CLTRN: variants seen among roughly 807,000 people sequenced by gnomAD.
CLTRN encodes the protein collectrin, amino acid transport regulator, also known as collectrin.
In CLTRN, 12 loss-of-function variants were observed where a neutral mutation model predicts 14.5. The ratio of observed to expected loss-of-function variants is 0.83; its 90% CI spans 0.53 to 1.34. CLTRN has a LOEUF of 1.34. Among genes scored for constraint, CLTRN ranks in the 40% most tolerant of loss-of-function variants. The probability of loss-of-function intolerance (pLI) is 0.00; values close to 1 mark genes in which losing one functional copy is unlikely to be tolerated. For synonymous variants in CLTRN, 58 were observed against 56.5 expected, an observed-to-expected ratio of 1.03 and a Z score of -0.12; for missense variants, 154 against 165.1, an observed-to-expected ratio of 0.93 and a Z score of 0.37.
intron 5 of CLTRN, among the ~76,000 whole-genome samples, chrX:15,632,911 G>A (rs1928735891): frequency 9.6e-6 from 1 of 104,261 alleles, no homozygotes. Context: ...AAAAAATAGA[G>A]CTAAAGAGCC....
upstream of CLTRN, among the ~76,000 whole-genome samples, chrX:15,669,400 A>G (rs186901246): frequency 6.5e-4 from 73 of 112,411 alleles, 1 homozygote; most frequent in African/African-American, 2.1e-3. Context: ...CATTCTGAAT[A>G]TGTTACTATT....
At chrX:15,643,759 A>G (rs1928995237) in intron 4 of CLTRN, among the ~76,000 whole-genome samples, 1 of 112,545 alleles carries the variant, frequency 8.9e-6, no homozygotes, top group African/African-American at 3.2e-5. Flanking sequence ...AAAGAAATAG[A>G]TGATGTTCAC....
intron 5 of CLTRN, among the ~76,000 whole-genome samples, chrX:15,637,452 T>C: frequency 8.9e-6 from 1 of 112,071 alleles, no homozygotes. Context: ...ATAATTTTCC[T>C]GACTATATTT....
At chrX:15,650,805 T>C (rs1006231802) in intron 3 of CLTRN, among the ~76,000 whole-genome samples, 1 of 111,997 alleles carries the variant, frequency 8.9e-6, no homozygotes, top group Non-Finnish European at 1.9e-5. Context: ...GCAGTTGAAC[T>C]AAGAATTAAT....
intron 3 of CLTRN, among the ~76,000 whole-genome samples, chrX:15,654,948 G>C (rs1441614521): frequency 4.5e-5 from 5 of 112,327 alleles, no homozygotes; most frequent in Non-Finnish European, 3.8e-5. Flanking sequence ...GTTCCCTTTG[G>C]GCACTCTGTC....
Position 15,627,958 on chromosome X carries a change from GAAC to G in CLTRN, c.*10_*12del. The stretch of plus-strand genomic sequence containing the variant: ...AAATGTTTAATTTCTTGAGGAAGCA[GAAC>G]AACAGCCCTTCAGAGAGGGGTGAGC... On this transcript the variant is annotated 3_prime_UTR_variant, in exon 6 of 6. Transcript: ENST00000380342. 1 of 1,008,831 alleles carries G rather than the reference GAAC, an allele frequency of 9.9e-7. No individual in the cohort carries two copies. The highest frequency in any genetic ancestry group is 2.0e-5 in the African/African-American group (1 of 51,269). 83.1% of individuals were successfully genotyped at this position (1,008,831 alleles called of 1,213,427 possible). A position where few individuals can be genotyped will look rare whatever the true frequency, so the allele number is the denominator to read the frequency against.
intron 3 of CLTRN, among the ~76,000 whole-genome samples, chrX:15,645,921 T>G (rs1929054683): frequency 8.8e-6 from 1 of 113,174 alleles, no homozygotes; most frequent in Non-Finnish European, 1.9e-5. Flanking sequence ...GTAAAGGATT[T>G]GTTTAGAGCA....
intron 4 of CLTRN, among the ~76,000 whole-genome samples, chrX:15,640,408 A>G (rs993689001): frequency 8.8e-6 from 1 of 113,097 alleles, no homozygotes; most frequent in Non-Finnish European, 1.9e-5. Flanking sequence ...GTCACAGAGC[A>G]GTAACATCAC....
chrX:15,672,843 C>A (rs1454301203), intron 1 of CLTRN, among the ~76,000 whole-genome samples: 1 of 112,189 alleles, frequency 8.9e-6, no homozygotes, highest in Non-Finnish European at 1.9e-5. Flanking sequence ...GCCACCCCAA[C>A]TGAGCTATTC....
intron 5 of CLTRN, among the ~76,000 whole-genome samples, chrX:15,634,031 G>C (rs1288921466): frequency 8.9e-6 from 1 of 111,952 alleles, no homozygotes; most frequent in East Asian, 2.8e-4. Flanking sequence ...CTAAGACCCA[G>C]TTGTGATCTT....
At chrX:15,661,593 T>C (rs995893609) in intron 2 of CLTRN, among the ~76,000 whole-genome samples, 2 of 112,518 alleles carry the variant, frequency 1.8e-5, no homozygotes, top group African/African-American at 6.5e-5. Context: ...TGAGCACATA[T>C]ATTAATGAGA....
intron 1 of CLTRN, among the ~76,000 whole-genome samples, chrX:15,674,120 G>C (rs1369321082): frequency 8.9e-6 from 1 of 112,092 alleles, no homozygotes; most frequent in Non-Finnish European, 1.9e-5. Context: ...AATCTGTCTT[G>C]AATGAATGAA....
upstream of CLTRN, among the ~76,000 whole-genome samples, chrX:15,675,235 A>AG (rs1929813266): frequency 8.9e-6 from 1 of 112,303 alleles, no homozygotes; most frequent in Admixed American, 9.4e-5. Flanking sequence ...CAGGCGGAGT[A>AG]GGGACGTGAG....
intron 5 of CLTRN, 138 bp downstream of exon 5, chrX:15,639,423 AT>A: frequency 1.9e-6 from 1 of 534,802 alleles, no homozygotes; most frequent in Admixed American, 3.9e-5. Context: ...CATAAGTGAT[AT>A]TTTTGAAAAT....
chrX:15,668,343 G>T (rs1473417744), upstream of CLTRN, among the ~76,000 whole-genome samples: 1 of 111,726 alleles, frequency 9.0e-6, no homozygotes, highest in African/African-American at 3.3e-5. Flanking sequence ...CTGGCAAGTG[G>T]CTTTAAAAAT....
At chrX:15,658,318 T>A (rs1929422159) in intron 3 of CLTRN, among the ~76,000 whole-genome samples, 1 of 112,568 alleles carries the variant, frequency 8.9e-6, no homozygotes, top group African/African-American at 3.2e-5. Flanking sequence ...ATGCAGGGCC[T>A]GGTTCTGTAC....
chrX:15,641,278 T>C (rs1292994011), intron 4 of CLTRN, among the ~76,000 whole-genome samples: 1 of 111,746 alleles, frequency 8.9e-6, no homozygotes, highest in Non-Finnish European at 1.9e-5. Flanking sequence ...TCCTTGGAGA[T>C]ATTTTATGAC....
chrX:15,645,535 C>T lies in CLTRN; in HGVS notation c.204-506G>A, dbSNP rs770755523. Among the ~76,000 whole-genome samples the T allele has an allele frequency of 2.7e-5, 3 of 112,255 alleles. No homozygotes were observed. The East Asian group carries it at 8.4e-4, about 31-fold the overall frequency. On this transcript the variant is annotated intron_variant, in intron 3 of 5. Transcript: ENST00000380342. ...TCAGGGCCAAGACAAAAGGCACCTT[C>T]TGTGTGTACTTTTGAAGAAAAAGTT... is the stretch of plus-strand genomic sequence containing the variant.
intron 4 of CLTRN, among the ~76,000 whole-genome samples, chrX:15,641,251 A>C (rs1274771833): frequency 9.0e-6 from 1 of 111,662 alleles, no homozygotes; most frequent in Non-Finnish European, 1.9e-5. Flanking sequence ...GTGAATTTCT[A>C]ACTGTAAACT....
Sources: gnomAD v4.1 joint callset for allele counts (sites outside exome capture counted in the v4.1 genomes callset) on GRCh38, gnomAD v4.1.1 for gene constraint, MANE v1.5 for transcripts, NCBI Gene and HGNC (gene_info 2026-07-23, HGNC 2026-07-21) for gene names.